DNAJC4: variants seen among roughly 807,000 people sequenced by gnomAD.
The protein encoded by DNAJC4 is dnaJ homolog subfamily C member 4.
A neutral mutation model predicts 26.8 loss-of-function variants in DNAJC4; 26 were observed. That is an observed-to-expected ratio of 0.97 (90% confidence interval 0.71 to 1.34). The LOEUF (loss-of-function observed/expected upper bound fraction) is 1.34. Among genes scored for constraint, DNAJC4 ranks in the 40% most tolerant of loss-of-function variants. The pLI, the probability that DNAJC4 is intolerant of heterozygous loss-of-function variation, is 0.00. For missense variants in DNAJC4, 342 were observed against 321.1 expected (o/e 1.07, Z -0.50); for synonymous variants, 134 against 127.8 (o/e 1.05, Z -0.33).
In DNAJC4 at chr11:64,231,884, A is replaced by G; in HGVS notation, c.100A>G (p.Thr34Ala). ...CTCTGTCCACAGGTCCAGACCCAGTACTTATTATGAACTGTTGGGGGTGCA... is the reference window on the plus strand; with the variant it reads ...CTCTGTCCACAGGTCCAGACCCAGTGCTTATTATGAACTGTTGGGGGTGCA... ...AAAGQRSRPS[T>A]YYELLGVHPG... Residue 34 changes from threonine (T) to alanine (A), a missense_variant, in exon 2 of 6, where the codon ACT (threonine) becomes GCT (alanine). By Grantham distance (58) the Thr-to-Ala change is moderately conservative. Transcript: ENST00000628077. 2 of 1,609,822 alleles carry G rather than the reference A, an allele frequency of 1.2e-6. No homozygotes were observed. The highest frequency in any genetic ancestry group is 1.7e-6 in the Non-Finnish European group (2 of 1,177,392).
intron 1 of DNAJC4, 36 bp downstream of exon 1, chr11:64,230,976 A>G (rs894305929): frequency 2.0e-5 from 31 of 1,536,492 alleles, no homozygotes; most frequent in South Asian, 2.4e-5. Flanking sequence ...CGGTTGTTCA[A>G]TGGGTTTCTG....
chr11:64,232,013 T>A, intron 2 of DNAJC4, 49 bp downstream of exon 2: 1 of 1,583,846 alleles, frequency 6.3e-7, no homozygotes, highest in Non-Finnish European at 8.7e-7. Flanking sequence ...TTTGAGCCAG[T>A]GGGGGTGTGC....
chr11:64,230,755 G>A lies in DNAJC4; in HGVS notation c.-100G>A. On this transcript the variant is annotated 5_prime_UTR_variant, in exon 1 of 6. Transcript: ENST00000628077. ...TCAGTCTTCCTTTGCAGAACAACGG[G>A]CCAGGCCCCTTCCCTCTGCCCCCGG... 6.8e-7 allele frequency: 1 copy of A among 1,477,480 alleles called. No individual in the cohort carries two copies. The highest frequency in any genetic ancestry group is 9.2e-7 in the Non-Finnish European group (1 of 1,091,676). 91.5% of individuals were successfully genotyped at this position (1,477,480 alleles called of 1,614,324 possible). A position where few individuals can be genotyped will look rare whatever the true frequency, so the allele number is the denominator to read the frequency against.
At position 64,230,605 on chromosome 11, in the gene DNAJC4, C is replaced by A. The variant is rs1460522784; in HGVS notation, c.-250C>A. The A allele has an allele frequency of 6.5e-6, 4 of 616,284 alleles. No homozygotes were observed. The highest frequency in any genetic ancestry group is 2.7e-5 in the Admixed American group (1 of 36,646). 38.2% of individuals were successfully genotyped at this position (616,284 alleles called of 1,614,324 possible). On this transcript the variant is annotated 5_prime_UTR_variant, in exon 1 of 6. The change creates a new upstream start codon in the 5' untranslated region. Coordinates refer to ENST00000628077, the MANE Select transcript of DNAJC4 (RefSeq NM_005528.4). ...GGGAACGGGGTCTTGGGGTCCCTGGCTGGGTGGCCAGACCCCGAAGCCAGC... is the reference window on the plus strand; with the variant it reads ...GGGAACGGGGTCTTGGGGTCCCTGGATGGGTGGCCAGACCCCGAAGCCAGC...
rs534456120 is a variant in DNAJC4 at position 64,231,669 on chromosome 11, G to T, written c.87-202G>T. 52 of 533,870 alleles carry T rather than the reference G, an allele frequency of 9.7e-5. 1 individual carries two copies. The South Asian group carries it at 1.2e-3, about 13-fold the overall frequency. 33.1% of individuals were successfully genotyped at this position (533,870 alleles called of 1,614,324 possible). ...ATCAGTTTTTTCCAACAAGTTTTTG[G>T]ACTCCACTTTGAGAAATCCTGACCT... is the stretch of plus-strand genomic sequence containing the variant. On this transcript the variant is annotated intron_variant, in intron 1 of 5. Transcript: ENST00000628077.
At chr11:64,231,424 C>T in intron 1 of DNAJC4, 1 of 205,968 alleles carries the variant, frequency 4.9e-6, no homozygotes, top group Non-Finnish European at 1.0e-5. Flanking sequence ...TCACCACAAC[C>T]TCCGCCTCCC....
At position 64,233,671 on chromosome 11, in the gene DNAJC4, G is replaced by A; in HGVS notation, c.528-223G>A. 6.6e-6 allele frequency: 4 copies of A among 601,930 alleles called. No individual in the cohort carries two copies. The South Asian group carries it at 8.3e-5, about 13-fold the overall frequency. 37.3% of individuals were successfully genotyped at this position (601,930 alleles called of 1,614,324 possible). ...GAGGAGCACCCCCATGTCCACAGCT[G>A]CTGTCACACCTCAAAGTGACCAGGG... On this transcript the variant is annotated intron_variant, in intron 4 of 5. Coordinates refer to ENST00000628077, the MANE Select transcript of DNAJC4 (RefSeq NM_005528.4).
intron 4 of DNAJC4, 138 bp from the exon 5 acceptor site, chr11:64,233,756 C>A: frequency 8.5e-7 from 1 of 1,183,360 alleles, no homozygotes; most frequent in Non-Finnish European, 1.2e-6. Flanking sequence ...CCCTATCTAT[C>A]ACAGGAAGGG....
In DNAJC4 at chr11:64,230,576, G is replaced by C. The variant is rs1947160174; in HGVS notation, c.-279G>C. The stretch of plus-strand genomic sequence containing the variant: ...TCCTTCTCCCGTCCCCAAGTTCCCT[G>C]GGTGGGAACGGGGTCTTGGGGTCCC... On this transcript the variant is annotated 5_prime_UTR_variant, in exon 1 of 6. Transcript: ENST00000628077. 3.3e-6 allele frequency: 2 copies of C among 608,952 alleles called. No homozygotes were observed. Among genetic ancestry groups the C allele is most frequent in the Admixed American group, 2.6e-5 (1 of 38,746 alleles). 37.7% of individuals were successfully genotyped at this position (608,952 alleles called of 1,614,324 possible).
chr11:64,231,703 C>G (rs1312257919), intron 1 of DNAJC4, 168 bp from the exon 2 acceptor site: 1 of 611,704 alleles, frequency 1.6e-6, no homozygotes, highest in East Asian at 2.8e-5. Context: ...CTGCACTATG[C>G]CTGAAACACT....
upstream of DNAJC4, chr11:64,230,509 G>A (rs1207982909): frequency 1.7e-6 from 1 of 577,730 alleles, no homozygotes; most frequent in East Asian, 3.9e-5. Flanking sequence ...GGCGACGGCC[G>A]CGGGTCTGTG....
chr11:64,232,263 G>A, intron 2 of DNAJC4, 167 bp from the exon 3 acceptor site: 1 of 874,420 alleles, frequency 1.1e-6, no homozygotes, highest in Non-Finnish European at 1.7e-6. Context: ...GGAGGAAGCA[G>A]GAGTCCATGC....
chr11:64,233,826 G>C, intron 4 of DNAJC4, 68 bp from the exon 5 acceptor site: 2 of 1,579,118 alleles, frequency 1.3e-6, no homozygotes, highest in Non-Finnish European at 1.7e-6. Flanking sequence ...CTAGAGTGGG[G>C]TGGAAGGGGG....
In DNAJC4 at chr11:64,231,970, C is replaced by T. The variant is rs752712521; in HGVS notation, c.180+6C>T. 6.8e-6 allele frequency: 11 copies of T among 1,613,964 alleles called. No individual in the cohort carries two copies. The highest frequency in any genetic ancestry group is 5.5e-5 in the South Asian group (5 of 91,072). On this transcript the variant is annotated splice_donor_region_variant and intron_variant, in intron 2 of 5. Coordinates refer to ENST00000628077, the MANE Select transcript of DNAJC4 (RefSeq NM_005528.4). ...TCTTCTCCAAGTCCAAAGAGGTACC[C>T]GTACCCCTGAGGTGGGGAGGGGGAG...
intron 4 of DNAJC4, 73 bp downstream of exon 4, chr11:64,232,938 C>G (rs1058735): frequency 0.18 from 259,138 of 1,471,116 alleles, 23,981 homozygotes; most frequent in Admixed American, 0.3. Flanking sequence ...GTCAGCCAGT[C>G]CTCCACAGCA....
rs1565315684 is a variant in DNAJC4 at position 64,234,204 on chromosome 11, C to A, written c.*20C>A. The A allele has an allele frequency of 2.6e-6, 4 of 1,540,118 alleles. No homozygotes were observed. The highest frequency in any genetic ancestry group is 1.7e-6 in the Non-Finnish European group (2 of 1,147,466). On this transcript the variant is annotated 3_prime_UTR_variant, in exon 6 of 6. Coordinates refer to ENST00000628077, the MANE Select transcript of DNAJC4 (RefSeq NM_005528.4). This position sits in a 1 kb window ranked among gnomAD's most constrained non-coding sequence, Gnocchi z 5.3. ...CCCTGAGGGGCTCACCTGGATGGGG[C>A]CTGCAGTGCGTTCCCGCTTTGCTTC...
intron 1 of DNAJC4, 44 bp from the exon 2 acceptor site, chr11:64,231,827 C>T: frequency 6.3e-7 from 1 of 1,597,826 alleles, no homozygotes; most frequent in Non-Finnish European, 8.6e-7. Flanking sequence ...GAGCTAGCTT[C>T]TGGGTTCCTT....
At position 64,230,670 on chromosome 11, in the gene DNAJC4, C is replaced by A; in HGVS notation, c.-185C>A. ...CGGATGCCCGGGTCAGAGGAAGGGG[C>A]AGGTCCAAGGACACGCGGGTCTGGT... On this transcript the variant is annotated 5_prime_UTR_variant, in exon 1 of 6. Transcript: ENST00000628077. 3.9e-6 allele frequency: 3 copies of A among 778,178 alleles called. No individual in the cohort carries two copies. The highest frequency in any genetic ancestry group is 1.7e-5 in the South Asian group (1 of 59,008). The allele number at this position is 778,178 out of a possible 1,614,324, so 48.2% of individuals were successfully genotyped here.
intron 1 of DNAJC4, 152 bp from the exon 2 acceptor site, chr11:64,231,719 G>A: frequency 1.5e-6 from 1 of 648,068 alleles, no homozygotes; most frequent in Non-Finnish European, 2.7e-6. Context: ...ACACTCCAAA[G>A]GGGGTGCTGA....
Sources: gnomAD v4.1 joint callset for allele counts on GRCh38, gnomAD v4.1.1 for gene constraint, Gnocchi (gnomAD v3.1) non-coding constraint, MANE v1.5 for transcripts, NCBI Gene and HGNC (gene_info 2026-07-23, HGNC 2026-07-21) for gene names.